Variants in AGAP1 observed in about 807,000 individuals in gnomAD.
The protein encoded by AGAP1 is ArfGAP with GTPase domain, ankyrin repeat and PH domain 1, also known as arf-GAP with GTPase, ANK repeat and PH domain-containing protein 1.
A neutral mutation model predicts 105.3 loss-of-function variants in AGAP1; 29 were observed. The ratio of observed to expected loss-of-function variants is 0.28; its 90% CI spans 0.21 to 0.38. The LOEUF (loss-of-function observed/expected upper bound fraction) is 0.38. AGAP1 is among the 10% of genes least tolerant of loss of function. AGAP1 has a pLI of 1.00. For synonymous variants in AGAP1, 509 were observed against 485.9 expected (o/e 1.05, Z -0.63); for missense variants, 998 against 1,165.1 (o/e 0.86, Z 2.09).
At chr2:235,637,669 A>G (rs1947052082) in intron 1 of AGAP1, among the ~76,000 whole-genome samples, 2 of 152,142 alleles carry the variant, frequency 1.3e-5, no homozygotes, top group Non-Finnish European at 2.9e-5. Context: ...AGGAAGAGGA[A>G]GTATTGTGTA....
intron 1 of AGAP1, among the ~76,000 whole-genome samples, chr2:235,576,525 G>A (rs1392676615): frequency 6.6e-6 from 1 of 152,208 alleles, no homozygotes; most frequent in East Asian, 1.9e-4. Flanking sequence ...TTTTAATGAG[G>A]TGACTCACTG....
chr2:235,502,034 C>T (rs1941582601), intron 1 of AGAP1, among the ~76,000 whole-genome samples: 1 of 152,166 alleles, frequency 6.6e-6, no homozygotes, highest in Middle Eastern at 3.4e-3. Flanking sequence ...CTGCGGTGAG[C>T]CCTGGCCTTC....
At chr2:235,902,970 G>A (rs1443270704) in intron 10 of AGAP1, among the ~76,000 whole-genome samples, 2 of 152,106 alleles carry the variant, frequency 1.3e-5, no homozygotes, top group Non-Finnish European at 2.9e-5. Flanking sequence ...ATGTGATGAT[G>A]ACTAGTACAG....
rs112531397 is a variant in AGAP1 at position 235,935,825 on chromosome 2, G to T, written c.1483+4902G>T. On this transcript the variant is annotated intron_variant, in intron 12 of 17. Coordinates refer to ENST00000304032, the MANE Select transcript of AGAP1 (RefSeq NM_001037131.3). ...TTAGCCACGAGTCAGCATCACTGTG[G>T]GTAGCAGGGGCCCTGGGGGGTCGTA... Among the ~76,000 whole-genome samples, 834 of 152,270 alleles carry T rather than the reference G, an allele frequency of 5.5e-3. 5 individuals are homozygous for T. Among genetic ancestry groups the T allele is most frequent in the Middle Eastern group, 0.01 (3 of 294 alleles).
chr2:235,839,026 T>A (rs1477644287), intron 9 of AGAP1, among the ~76,000 whole-genome samples: 1 of 152,210 alleles, frequency 6.6e-6, no homozygotes, highest in Non-Finnish European at 1.5e-5. Flanking sequence ...AAGAGATAAA[T>A]TGCTGGTGTG....
At chr2:235,810,888 G>A (rs1425048862) in intron 9 of AGAP1, among the ~76,000 whole-genome samples, 1 of 144,588 alleles carries the variant, frequency 6.9e-6, no homozygotes, top group African/African-American at 2.6e-5. Context: ...AAATTAAGAA[G>A]CAAAGCAAGA....
chr2:235,815,033 G>A (rs758591453), intron 9 of AGAP1, among the ~76,000 whole-genome samples: 2 of 152,124 alleles, frequency 1.3e-5, no homozygotes, highest in African/African-American at 2.4e-5. Context: ...GGTAACCAGC[G>A]TTTATTGACC....
chr2:235,972,709 C>T (rs1436498744), intron 13 of AGAP1, among the ~76,000 whole-genome samples: 2 of 152,302 alleles, frequency 1.3e-5, no homozygotes, highest in Non-Finnish European at 2.9e-5. Context: ...GCCAGTCACA[C>T]AGTTGGCTCC....
chr2:236,081,143 G>T (rs1282902011), intron 16 of AGAP1, among the ~76,000 whole-genome samples: 1 of 152,104 alleles, frequency 6.6e-6, no homozygotes, highest in Non-Finnish European at 1.5e-5. Context: ...TGGTGCCTGT[G>T]GGTACATCTC....
chr2:235,936,159 A>C lies in AGAP1; in HGVS notation c.1483+5236A>C, dbSNP rs555771891. 1.5e-3 allele frequency among the ~76,000 whole-genome samples: 227 copies of C among 152,336 alleles called. 1 individual carries two copies. The highest frequency in any genetic ancestry group is 5.1e-3 in the African/African-American group (212 of 41,574). On this transcript the variant is annotated intron_variant, in intron 12 of 17. Transcript: ENST00000304032. The surrounding 1 kb of genome is among the most constrained non-coding windows in gnomAD (Gnocchi z 4.7). ...GCCACGCTGACTGGCCATCACTGTT[A>C]ATACTGCATTTCTTCACGTGACTCT...
chr2:235,582,536 G>T lies in AGAP1; in HGVS notation c.163+87687G>T, dbSNP rs1944968802. Among the ~76,000 whole-genome samples the T allele has an allele frequency of 6.6e-6, 1 of 152,306 alleles. No homozygotes were observed. Among genetic ancestry groups the T allele is most frequent in the Middle Eastern group, 3.4e-3 (1 of 294 alleles). On this transcript the variant is annotated intron_variant, in intron 1 of 17. Transcript: ENST00000304032. The surrounding 1 kb of genome is among the most constrained non-coding windows in gnomAD (Gnocchi z 4.7). ...GTCATGCGTGTAATTATGTGTTGAG[G>T]TTTGGTGCCTTGAGATTAAAGGGAT...
rs905109284 is a variant in AGAP1, at chr2:235,621,689, G to T, written c.164-87490G>T. On this transcript the variant is annotated intron_variant, in intron 1 of 17. Coordinates refer to ENST00000304032, the MANE Select transcript of AGAP1 (RefSeq NM_001037131.3). This position sits in a 1 kb window ranked among gnomAD's most constrained non-coding sequence, Gnocchi z 4.1. ...GTCATTCCCTGTGCCCATTGTTCATGCATTGGAACTTGGAGTGCCTGCTCT... is the reference window on the plus strand; with the variant it reads ...GTCATTCCCTGTGCCCATTGTTCATTCATTGGAACTTGGAGTGCCTGCTCT... Among the ~76,000 whole-genome samples the T allele has an allele frequency of 2.0e-5, 3 of 152,206 alleles. No individual in the cohort carries two copies. Among genetic ancestry groups the T allele is most frequent in the Non-Finnish European group, 2.9e-5 (2 of 68,038 alleles).
At chr2:235,823,512 G>A (rs1958913210) in intron 9 of AGAP1, among the ~76,000 whole-genome samples, 1 of 152,158 alleles carries the variant, frequency 6.6e-6, no homozygotes. Flanking sequence ...AAAGCTAGAA[G>A]GGACCCTCAT....
chr2:235,816,529 C>G (rs531651188), intron 9 of AGAP1, among the ~76,000 whole-genome samples: 6 of 152,060 alleles, frequency 3.9e-5, no homozygotes, highest in Admixed American at 2.0e-4. Context: ...GGTTAAAATC[C>G]CCACACGTGA....
rs1042725052 is a variant in AGAP1 at position 235,596,022 on chromosome 2, C to T, written c.163+101173C>T. Among the ~76,000 whole-genome samples, 1 of 152,198 alleles carries T rather than the reference C, an allele frequency of 6.6e-6. No homozygotes were observed. Among genetic ancestry groups the T allele is most frequent in the African/African-American group, 2.4e-5 (1 of 41,448 alleles). On this transcript the variant is annotated intron_variant, in intron 1 of 17. Coordinates refer to ENST00000304032, the MANE Select transcript of AGAP1 (RefSeq NM_001037131.3). This position sits in a 1 kb window ranked among gnomAD's most constrained non-coding sequence, Gnocchi z 5.9. ...ATGTTTCTGATGTTATGAAGCTATG[C>T]TCCTGGAAGTGGTTGTGAAAATCGC...
Position 235,752,271 on chromosome 2 carries a change from A to G in AGAP1, c.673+1783A>G, listed in dbSNP as rs1381201367. 6.6e-6 allele frequency among the ~76,000 whole-genome samples: 1 copy of G among 152,164 alleles called. No individual in the cohort carries two copies. Among genetic ancestry groups the G allele is most frequent in the Non-Finnish European group, 1.5e-5 (1 of 68,032 alleles). On this transcript the variant is annotated intron_variant, in intron 6 of 17. Transcript: ENST00000304032. This position sits in a 1 kb window ranked among gnomAD's most constrained non-coding sequence, Gnocchi z 4.3. ...CAGCTCACTGCAACCTCTGCCTCCCAGGTTCAGGCAAATCTTGTGCCTCAG... is the reference window on the plus strand; with the variant it reads ...CAGCTCACTGCAACCTCTGCCTCCCGGGTTCAGGCAAATCTTGTGCCTCAG...
Position 236,045,826 on chromosome 2 carries a change from G to A in AGAP1, c.1892-3233G>A, listed in dbSNP as rs3768951. The A allele has an allele frequency of 0.091, 36,592 of 400,816 alleles. 1,999 individuals carry two copies. Among genetic ancestry groups the A allele is most frequent in the East Asian group, 0.2 (2,674 of 13,450 alleles). The allele number at this position is 400,816 out of a possible 1,614,324, so 24.8% of individuals were successfully genotyped here. Reference sequence around the variant, plus strand: ...CCGATGAGTCATTCTCTGCTGGAGCGGAGGCAAGGTTCTCCCCTCAGTCAG... The same window carrying A: ...CCGATGAGTCATTCTCTGCTGGAGCAGAGGCAAGGTTCTCCCCTCAGTCAG... On this transcript the variant is annotated intron_variant, in intron 15 of 17. Coordinates refer to ENST00000304032, the MANE Select transcript of AGAP1 (RefSeq NM_001037131.3). This position sits in a 1 kb window ranked among gnomAD's most constrained non-coding sequence, Gnocchi z 6.9.
Position 235,660,278 on chromosome 2 carries a change from G to A in AGAP1, c.164-48901G>A, listed in dbSNP as rs1046824785. On this transcript the variant is annotated intron_variant, in intron 1 of 17. Coordinates refer to ENST00000304032, the MANE Select transcript of AGAP1 (RefSeq NM_001037131.3). The surrounding 1 kb of genome is among the most constrained non-coding windows in gnomAD (Gnocchi z 5.3). ...TTCATAGATAAACTTGCGGGGTCACGGTGAGGGAGGCACTGTGTGGAAGGG... is the reference window on the plus strand; with the variant it reads ...TTCATAGATAAACTTGCGGGGTCACAGTGAGGGAGGCACTGTGTGGAAGGG... Among the ~76,000 whole-genome samples, 1 of 152,168 alleles carries A rather than the reference G, an allele frequency of 6.6e-6. No homozygotes were observed. Among genetic ancestry groups the A allele is most frequent in the African/African-American group, 2.4e-5 (1 of 41,444 alleles).
intron 1 of AGAP1, among the ~76,000 whole-genome samples, chr2:235,564,132 C>T (rs1944261041): frequency 6.6e-6 from 1 of 152,176 alleles, no homozygotes; most frequent in Non-Finnish European, 1.5e-5. Flanking sequence ...CTTTAGTCCA[C>T]ACAACCTTTT....
Sources: allele counts gnomAD v4.1 joint callset (sites outside exome capture counted in the v4.1 genomes callset), GRCh38; gene constraint gnomAD v4.1.1; non-coding constraint Gnocchi (gnomAD v3.1); transcripts MANE v1.5; gene names NCBI Gene and HGNC (gene_info 2026-07-23, HGNC 2026-07-21).